The following PARK7 variants were observed in gnomAD, a reference collection of about 807,000 sequenced individuals.
The protein encoded by PARK7 is Parkinson disease protein 7.
A neutral mutation model predicts 20.5 loss-of-function variants in PARK7; 14 were observed. That is an observed-to-expected ratio of 0.68 (90% CI 0.45 to 1.07). PARK7 has a LOEUF of 1.07. PARK7 is among the 50% of genes least tolerant of loss of function. The pLI is 0.00. For missense variants in PARK7, 234 were observed against 238.1 expected (o/e 0.98, Z 0.11); for synonymous variants, 98 against 84.3 (o/e 1.16, Z -0.89).
rs1640800401 is a variant in PARK7, at chr1:7,985,481, G to A, written c.*427G>A. 3.8e-6 allele frequency: 1 copy of A among 263,320 alleles called. No homozygotes were observed. Among genetic ancestry groups the A allele is most frequent in the Non-Finnish European group, 7.5e-6 (1 of 133,922 alleles). The allele number at this position is 263,320 out of a possible 1,614,324, so 16.3% of individuals were successfully genotyped here. A position where few individuals can be genotyped will look rare whatever the true frequency, so the allele number is the denominator to read the frequency against. On this transcript the variant is annotated 3_prime_UTR_variant, in exon 7 of 7. Coordinates refer to ENST00000338639, the MANE Select transcript of PARK7 (RefSeq NM_007262.5). ...TGCTTATTAGCTGTGTGTTTTTAAT[G>A]TGCTATTAAAAAATACCAATGAGGG...
intron 4 of PARK7, 30 bp downstream of exon 4, chr1:7,969,434 T>A (rs2641116): frequency 6.6e-6 from 6 of 911,244 alleles, no homozygotes; most frequent in South Asian, 1.3e-5. Flanking sequence ...TATACCTCAA[T>A]AAAGCTGGGG....
chr1:7,985,066 G>A lies in PARK7; in HGVS notation c.*12G>A. On this transcript the variant is annotated 3_prime_UTR_variant, in exon 7 of 7. Transcript: ENST00000338639. ...TTCTTAAAGACTAGAGCAGCGAACT[G>A]CGACGATCACTTAGAGAAACAGGCC... 1 of 1,613,368 alleles carries A rather than the reference G, an allele frequency of 6.2e-7. No individual in the cohort carries two copies. Among genetic ancestry groups the A allele is most frequent in the South Asian group, 1.1e-5 (1 of 91,020 alleles).
chr1:7,964,726 A>G (rs916760545), intron 2 of PARK7, among the ~76,000 whole-genome samples: 4 of 152,334 alleles, frequency 2.6e-5, no homozygotes, highest in African/African-American at 9.6e-5. Context: ...TCCCAGTGCC[A>G]GCTCTTGGTA....
Position 7,962,837 on chromosome 1 carries a change from G to A in PARK7, c.52G>A (p.Glu18Lys), listed in dbSNP as rs764771957. 2.5e-6 allele frequency: 4 copies of A among 1,613,306 alleles called. No homozygotes were observed. Among genetic ancestry groups the A allele is most frequent in the Non-Finnish European group, 8.5e-7 (1 of 1,179,896 alleles). The stretch of plus-strand genomic sequence containing the variant: ...CCTGGCTAAAGGAGCAGAGGAAATG[G>A]AGACGGTCATCCCTGTAGATGTCAT... ...VILAKGAEEM[E>K]TVIPVDVMRR... Residue 18 changes from glutamate (E) to lysine (K), a missense_variant, in exon 2 of 7, where the codon GAG (glutamate) becomes AAG (lysine). Glu to Lys is a moderately conservative substitution (Grantham distance 56). Coordinates refer to ENST00000338639, the MANE Select transcript of PARK7 (RefSeq NM_007262.5).
At chr1:7,977,336 C>T (rs1640604286) in intron 5 of PARK7, among the ~76,000 whole-genome samples, 1 of 152,182 alleles carries the variant, frequency 6.6e-6, no homozygotes, top group Admixed American at 6.5e-5. Flanking sequence ...GCCAGATGTG[C>T]TCAGCAAATC....
At chr1:7,966,517 G>A (rs1179723948) in intron 3 of PARK7, among the ~76,000 whole-genome samples, 2 of 151,802 alleles carry the variant, frequency 1.3e-5, no homozygotes, top group Admixed American at 1.3e-4. Flanking sequence ...GCAACATAGC[G>A]AGACCGTTTC....
rs145588642 is a variant in PARK7 at position 7,970,390 on chromosome 1, G to A, written c.253-504G>A. 3.8e-3 allele frequency among the ~76,000 whole-genome samples: 580 copies of A among 152,314 alleles called. 2 individuals carry two copies. The highest frequency in any genetic ancestry group is 0.013 in the African/African-American group (540 of 41,572). ...TGGGGGAAGCTGTGGGGCTAGGGCTGCCAGCAGGAATGGCAAATGCCATCA... is the reference window on the plus strand; with the variant it reads ...TGGGGGAAGCTGTGGGGCTAGGGCTACCAGCAGGAATGGCAAATGCCATCA... On this transcript the variant is annotated intron_variant, in intron 4 of 6. Coordinates refer to ENST00000338639, the MANE Select transcript of PARK7 (RefSeq NM_007262.5).
At chr1:7,970,254 G>C (rs1427855343) in intron 4 of PARK7, among the ~76,000 whole-genome samples, 1 of 152,158 alleles carries the variant, frequency 6.6e-6, no homozygotes, top group Non-Finnish European at 1.5e-5. Flanking sequence ...GTTATGAACA[G>C]ATGTCGATGA....
intron 6 of PARK7, among the ~76,000 whole-genome samples, chr1:7,980,873 T>C (rs888553920): frequency 6.6e-6 from 1 of 151,956 alleles, no homozygotes; most frequent in Non-Finnish European, 1.5e-5. Flanking sequence ...TTTCTTTTTT[T>C]CTTATCTTTT....
intron 6 of PARK7, among the ~76,000 whole-genome samples, chr1:7,977,960 A>G (rs1021566343): frequency 3.5e-5 from 4 of 113,684 alleles, no homozygotes; most frequent in Admixed American, 3.0e-4. Flanking sequence ...GAGTTTCACC[A>G]TGTTGGTCAG....
chr1:7,969,445 G>A (rs753982672), intron 4 of PARK7, 41 bp downstream of exon 4: 4 of 987,166 alleles, frequency 4.1e-6, no homozygotes, highest in South Asian at 2.6e-5. Context: ...AAAGCTGGGG[G>A]GGGGGAAAAA....
intron 6 of PARK7, among the ~76,000 whole-genome samples, chr1:7,978,478 C>T (rs1299902854): frequency 6.6e-6 from 1 of 151,084 alleles, no homozygotes; most frequent in Non-Finnish European, 1.5e-5. Context: ...CTGCAACCTC[C>T]GCCTCCCGGG....
intron 5 of PARK7, among the ~76,000 whole-genome samples, chr1:7,974,134 A>ACCCC (rs373742818): frequency 0.016 from 2,059 of 128,206 alleles, 119 homozygotes; most frequent in Non-Finnish European, 0.025. Flanking sequence ...ACATAGTGAG[A>ACCCC]CCCCCCCACC....
intron 5 of PARK7, among the ~76,000 whole-genome samples, chr1:7,976,520 A>G (rs1038269125): frequency 1.3e-5 from 2 of 152,156 alleles, no homozygotes; most frequent in African/African-American, 2.4e-5. Flanking sequence ...ATTTGGAAAG[A>G]CTTCATCAAC....
chr1:7,975,882 T>G (rs916535221), intron 5 of PARK7, among the ~76,000 whole-genome samples: 3 of 152,222 alleles, frequency 2.0e-5, no homozygotes, highest in African/African-American at 7.2e-5. Flanking sequence ...AAATTGATAA[T>G]TATTCAATTC....
At chr1:7,972,274 G>A (rs1323734463) in intron 5 of PARK7, among the ~76,000 whole-genome samples, 2 of 152,048 alleles carry the variant, frequency 1.3e-5, no homozygotes, top group East Asian at 3.9e-4. Context: ...ACTAACCTTG[G>A]CAACATAGCC....
intron 4 of PARK7, among the ~76,000 whole-genome samples, chr1:7,970,691 T>A (rs1031107912): frequency 6.6e-6 from 1 of 152,234 alleles, no homozygotes; most frequent in Admixed American, 6.5e-5. Flanking sequence ...GTTTCTCTTA[T>A]GAGAAATGCC....
Position 7,970,943 on chromosome 1 carries a change from T to A in PARK7, c.302T>A (p.Leu101Gln). 1 of 1,614,206 alleles carries A rather than the reference T, an allele frequency of 6.2e-7. No homozygotes were observed. Among genetic ancestry groups the A allele is most frequent in the Non-Finnish European group, 8.5e-7 (1 of 1,180,030 alleles). The part of the protein sequence containing the change: ...ILKEQENRKG[L>Q]IAAICAGPTA... ...AAGGAGCAGGAAAACCGGAAGGGCC[T>A]GATAGCCGCCATCTGTGCAGGTGAC... The change falls in exon 5 of 7, where the codon CTG (leucine) becomes CAG (glutamine). Residue 101 changes from leucine to glutamine, a missense_variant. Coordinates refer to ENST00000338639, the MANE Select transcript of PARK7 (RefSeq NM_007262.5).
intron 2 of PARK7, among the ~76,000 whole-genome samples, chr1:7,964,409 A>G (rs185088040): frequency 1.8e-4 from 27 of 152,252 alleles, no homozygotes; most frequent in Admixed American, 1.5e-3. Context: ...TGTTAACCCT[A>G]TACTCCTCTG....
Sources: gnomAD v4.1 joint callset for allele counts (sites outside exome capture counted in the v4.1 genomes callset) on GRCh38, gnomAD v4.1.1 for gene constraint, MANE v1.5 for transcripts, NCBI Gene and HGNC (gene_info 2026-07-23, HGNC 2026-07-21) for gene names.